FHIT: variants seen among roughly 807,000 people sequenced by gnomAD.
The protein encoded by FHIT is bis(5'-adenosyl)-triphosphatase.
Under a neutral mutation model 17.9 loss-of-function variants are expected in FHIT, and 19 were observed. The ratio of observed to expected loss-of-function variants is 1.06; its 90% confidence interval spans 0.74 to 1.56. The LOEUF is 1.56. FHIT is among the 40% of genes most tolerant of loss of function. The pLI is 0.00. For missense variants in FHIT, 248 were observed against 189.2 expected (o/e 1.31, Z -1.82); for synonymous variants, 81 against 69.7 (o/e 1.16, Z -0.81).
intron 4 of FHIT, among the ~76,000 whole-genome samples, chr3:60,746,176 GA>G (rs1370064910): frequency 6.6e-6 from 1 of 152,158 alleles, no homozygotes; most frequent in Non-Finnish European, 1.5e-5. Context: ...GTTATCGCTT[GA>G]AGCTGACATG....
chr3:60,113,530 G>A (rs1048715513), intron 5 of FHIT, among the ~76,000 whole-genome samples: 2 of 151,694 alleles, frequency 1.3e-5, no homozygotes, highest in African/African-American at 2.4e-5. Flanking sequence ...TACTATTAGC[G>A]ATGCATAAAT....
At chr3:60,308,830 G>T (rs1708807058) in intron 5 of FHIT, among the ~76,000 whole-genome samples, 1 of 152,016 alleles carries the variant, frequency 6.6e-6, no homozygotes, top group Non-Finnish European at 1.5e-5. Flanking sequence ...TGTGAGGAAT[G>T]GTTGTTTCTA....
intron 4 of FHIT, among the ~76,000 whole-genome samples, chr3:60,795,707 G>T (rs1309132160): frequency 2.0e-5 from 3 of 151,902 alleles, no homozygotes; most frequent in Non-Finnish European, 4.4e-5. Context: ...TAGAGATGGG[G>T]TTTCACCATG....
intron 5 of FHIT, among the ~76,000 whole-genome samples, chr3:60,315,584 A>AT (rs1344518180): frequency 6.6e-6 from 1 of 152,202 alleles, no homozygotes; most frequent in Non-Finnish European, 1.5e-5. Flanking sequence ...TCCGTTCAAC[A>AT]TACTATCTGT....
intron 5 of FHIT, among the ~76,000 whole-genome samples, chr3:60,379,451 G>A (rs1230988993): frequency 2.6e-5 from 4 of 152,070 alleles, no homozygotes; most frequent in South Asian, 4.2e-4. Flanking sequence ...ATGAAAATAC[G>A]TTACATGATT....
In FHIT at chr3:60,571,346, A is replaced by T. The variant is rs1420479892; in HGVS notation, c.-17-34367T>A. ...GCAAGACTCCATCGCAAAAAAAAAA[A>T]AAAAAAAAAAAAAAAAAGAACAATG... On this transcript the variant is annotated intron_variant, in intron 4 of 9. Transcript: ENST00000492590. Among the ~76,000 whole-genome samples the T allele has an allele frequency of 5.4e-5, 8 of 148,346 alleles. 1 individual carries two copies. In the South Asian group the frequency reaches 8.7e-4, roughly 16 times the overall value.
intron 5 of FHIT, among the ~76,000 whole-genome samples, chr3:60,315,584 A>G (rs531747306): frequency 2.0e-5 from 3 of 152,320 alleles, no homozygotes; most frequent in Admixed American, 2.0e-4. Flanking sequence ...TCCGTTCAAC[A>G]TACTATCTGT....
At chr3:61,132,582 C>A (rs1298107022) in intron 2 of FHIT, among the ~76,000 whole-genome samples, 3 of 152,106 alleles carry the variant, frequency 2.0e-5, no homozygotes, top group South Asian at 2.1e-4. Flanking sequence ...GTGACATTTA[C>A]ATAGGGCCTC....
chr3:60,012,972 G>A (rs901391515), intron 6 of FHIT, among the ~76,000 whole-genome samples: 1 of 152,124 alleles, frequency 6.6e-6, no homozygotes, highest in Non-Finnish European at 1.5e-5. Flanking sequence ...ACATAAGCTT[G>A]ATAAACCCAC....
chr3:60,319,414 C>T (rs898252799), intron 5 of FHIT, among the ~76,000 whole-genome samples: 6 of 148,940 alleles, frequency 4.0e-5, no homozygotes, highest in Non-Finnish European at 8.9e-5. Flanking sequence ...TTTGCTGCAA[C>T]AGAGTACACA....
At chr3:60,038,324 A>G (rs1260352610) in intron 5 of FHIT, among the ~76,000 whole-genome samples, 1 of 152,178 alleles carries the variant, frequency 6.6e-6, no homozygotes, top group African/African-American at 2.4e-5. Flanking sequence ...AATGTTAACC[A>G]CTGCTGTAAT....
Position 61,136,989 on chromosome 3 carries a change from T to C in FHIT, c.-164+63628A>G, listed in dbSNP as rs554360835. Among the ~76,000 whole-genome samples the C allele has an allele frequency of 9.8e-5, 15 of 152,342 alleles. No individual in the cohort carries two copies. In the East Asian group the frequency reaches 2.9e-3, roughly 29 times the overall value. ...AGGTGTTAGGATTCTGCATGTATTG[T>C]TGTTGTTTCTAAAACTGCATTTAAT... is the stretch of plus-strand genomic sequence containing the variant. On this transcript the variant is annotated intron_variant, in intron 2 of 9. Coordinates refer to ENST00000492590, the MANE Select transcript of FHIT (RefSeq NM_002012.4).
chr3:60,730,092 G>T, intron 4 of FHIT: 1 of 513,548 alleles, frequency 1.9e-6, no homozygotes, highest in South Asian at 1.5e-5. Context: ...TCAGGTAGTA[G>T]ATGTGTCCCA....
chr3:60,557,843 G>A (rs540942050), intron 4 of FHIT, among the ~76,000 whole-genome samples: 16 of 152,114 alleles, frequency 1.1e-4, no homozygotes, highest in African/African-American at 3.9e-4. Flanking sequence ...TTCTCCCAGT[G>A]CAGAATCTCT....
chr3:60,149,890 T>C (rs551214310), intron 5 of FHIT, among the ~76,000 whole-genome samples: 2 of 149,888 alleles, frequency 1.3e-5, no homozygotes, highest in African/African-American at 4.9e-5. Context: ...AATGAAAGAG[T>C]TGTAATGTCT....
At chr3:60,610,417 AC>A (rs1156672179) in intron 4 of FHIT, among the ~76,000 whole-genome samples, 1 of 152,176 alleles carries the variant, frequency 6.6e-6, no homozygotes, top group Admixed American at 6.5e-5. Flanking sequence ...TGATATGATC[AC>A]CCTGAATGTA....
chr3:59,882,415 C>G (rs910130996), intron 8 of FHIT, among the ~76,000 whole-genome samples: 2 of 152,024 alleles, frequency 1.3e-5, no homozygotes, highest in Non-Finnish European at 2.9e-5. Flanking sequence ...GAAGAGAGAT[C>G]GTTATAGCAC....
Position 60,622,683 on chromosome 3 carries a change from A to G in FHIT, c.-17-85704T>C, listed in dbSNP as rs187917810. 1.5e-3 allele frequency among the ~76,000 whole-genome samples: 228 copies of G among 152,312 alleles called. 3 individuals are homozygous for G. The highest frequency in any genetic ancestry group is 5.1e-4 in the Non-Finnish European group (35 of 68,040). ...AGAATTTAAGGCCTCTGGTGTTCTC[A>G]GTTTTTCTTCTTTTTCACTTTGGGG... On this transcript the variant is annotated intron_variant, in intron 4 of 9. Coordinates refer to ENST00000492590, the MANE Select transcript of FHIT (RefSeq NM_002012.4).
chr3:59,882,305 T>C (rs189671145), intron 8 of FHIT, among the ~76,000 whole-genome samples: 1 of 152,254 alleles, frequency 6.6e-6, no homozygotes, highest in Admixed American at 6.5e-5. Flanking sequence ...ATGAAACAAA[T>C]TTCAGGAATC....
Sources: allele counts gnomAD v4.1 joint callset (sites outside exome capture counted in the v4.1 genomes callset), GRCh38; gene constraint gnomAD v4.1.1; transcripts MANE v1.5; gene names NCBI Gene and HGNC (gene_info 2026-07-23, HGNC 2026-07-21).